The following ITPRID1 variants were observed in gnomAD, a reference collection of about 807,000 sequenced individuals.
ITPRID1 encodes the protein protein ITPRID1.
A neutral mutation model predicts 95.4 loss-of-function variants in ITPRID1; 96 were observed. The observed-to-expected ratio is 1.01, with a 90% confidence interval of 0.85 to 1.19. The LOEUF (loss-of-function observed/expected upper bound fraction) is 1.19. Among genes scored for constraint, ITPRID1 ranks in the 50% most tolerant of loss-of-function variants. The pLI is 0.00. For synonymous variants in ITPRID1, 510 were observed against 453.6 expected, an observed-to-expected ratio of 1.12 and a Z score of -1.58; for missense variants, 1,339 against 1,252.9, an observed-to-expected ratio of 1.07 and a Z score of -1.04.
At chr7:31,584,385 A>G (rs1476064456) in intron 10 of ITPRID1, among the ~76,000 whole-genome samples, 2 of 152,214 alleles carry the variant, frequency 1.3e-5, no homozygotes, top group Non-Finnish European at 2.9e-5. Context: ...CATAACCTGC[A>G]TTGAGGCTTA....
At chr7:31,542,774 G>C (rs563365933) in intron 1 of ITPRID1, among the ~76,000 whole-genome samples, 7 of 152,240 alleles carry the variant, frequency 4.6e-5, no homozygotes, top group African/African-American at 1.7e-4. Context: ...ATTTGACAGA[G>C]ATAAGTATGG....
At chr7:31,547,394 T>A (rs771472218) in intron 1 of ITPRID1, among the ~76,000 whole-genome samples, 103 of 152,274 alleles carry the variant, frequency 6.8e-4, no homozygotes, top group Middle Eastern at 3.4e-3. Flanking sequence ...ACAGTCATGG[T>A]GGAATGGGAA....
intron 7 of ITPRID1, 87 bp downstream of exon 7, chr7:31,572,275 A>G (rs1409045155): frequency 5.3e-6 from 4 of 758,540 alleles, no homozygotes; most frequent in Non-Finnish European, 8.8e-6. Context: ...CACTTGTTGA[A>G]TGAATGGATG....
intron 5 of ITPRID1, among the ~76,000 whole-genome samples, chr7:31,557,303 G>T (rs1407126958): frequency 1.3e-5 from 2 of 152,028 alleles, no homozygotes; most frequent in Admixed American, 1.3e-4. Context: ...CAAGATCTAA[G>T]TGTCTTCATC....
rs1332079259 is a variant in ITPRID1 at position 31,643,589 on chromosome 7, G to T, written c.2219G>T (p.Cys740Phe). 2 of 1,614,034 alleles carry T rather than the reference G, an allele frequency of 1.2e-6. No individual in the cohort carries two copies. The highest frequency in any genetic ancestry group is 1.7e-5 in the Admixed American group (1 of 60,024). ...GGAACATCTTTAGAATGCACTGTGT[G>T]TGATCCTGTTACCGCAACAGAAACA... Reference protein sequence around the residue: ...PRGTSLECTVCDPVTATETRL... With the variant: ...PRGTSLECTVFDPVTATETRL... The change falls in exon 12 of 15, where the codon TGT becomes TTT. Residue 740 changes from cysteine to phenylalanine, a missense_variant. Physicochemically the swap from Cys to Phe is radical, Grantham distance 205 (BLOSUM62 -2). Coordinates refer to ENST00000615280, the MANE Select transcript of ITPRID1 (RefSeq NM_001257967.3).
At chr7:31,523,217 A>G (rs1002943699) in intron 1 of ITPRID1, among the ~76,000 whole-genome samples, 2 of 152,222 alleles carry the variant, frequency 1.3e-5, no homozygotes, top group African/African-American at 4.8e-5. Context: ...ATCGCAGACA[A>G]AAGCATTCTA....
intron 7 of ITPRID1, 65 bp from the exon 8 acceptor site, chr7:31,574,475 G>C: frequency 6.9e-7 from 1 of 1,444,638 alleles, no homozygotes; most frequent in Non-Finnish European, 9.7e-7. Context: ...TGGATGAGGT[G>C]ACCAGAAAAA....
At chr7:31,554,972 A>G (rs1784401499) in intron 5 of ITPRID1, 71 bp downstream of exon 5, 1 of 1,139,358 alleles carries the variant, frequency 8.8e-7, no homozygotes, top group Admixed American at 2.1e-5. Flanking sequence ...ACGTGAATAA[A>G]TCTTCTTAAA....
chr7:31,625,459 C>T (rs1788363498), intron 10 of ITPRID1, among the ~76,000 whole-genome samples: 1 of 152,086 alleles, frequency 6.6e-6, no homozygotes, highest in African/African-American at 2.4e-5. Flanking sequence ...ATGATGAGTT[C>T]ATGTCCTTTG....
At chr7:31,571,359 T>C (rs1184504524) in intron 6 of ITPRID1, among the ~76,000 whole-genome samples, 3 of 152,184 alleles carry the variant, frequency 2.0e-5, no homozygotes, top group Non-Finnish European at 2.9e-5. Flanking sequence ...AGAACAAAGT[T>C]AGCAACCCAA....
Position 31,578,300 on chromosome 7 carries a change from C to T in ITPRID1, c.1036C>T (p.Gln346Ter), listed in dbSNP as rs759370327. 2 of 1,613,954 alleles carry T rather than the reference C, an allele frequency of 1.2e-6. No homozygotes were observed. Among genetic ancestry groups the T allele is most frequent in the South Asian group, 2.2e-5 (2 of 91,088 alleles). ...GCCTTGCTCATCTATGCCGGCCAAG[C>T]AGGCTCCTCCTTCCTGTGTGTCTGA... is the stretch of plus-strand genomic sequence containing the variant. ...QWPCSSMPAKQAPPSCVSEGS... is the reference protein window; with the variant it reads ...QWPCSSMPAK Residue 346 changes from glutamine to a stop codon, truncating the protein, a stop_gained, in exon 9 of 15, where the codon CAG (glutamine) becomes TAG (stop). Transcript: ENST00000615280. LOFTEE classifies it high-confidence loss of function.
At chr7:31,583,258 A>G in intron 10 of ITPRID1, 67 bp downstream of exon 10, 1 of 1,068,124 alleles carries the variant, frequency 9.4e-7, no homozygotes, top group Non-Finnish European at 1.4e-6. Context: ...TGGTATTTAA[A>G]TTTCTTAATA....
At chr7:31,596,430 T>TA (rs1786091907) in intron 10 of ITPRID1, among the ~76,000 whole-genome samples, 1 of 151,464 alleles carries the variant, frequency 6.6e-6, no homozygotes, top group Non-Finnish European at 1.5e-5. Flanking sequence ...ACATTTCACT[T>TA]ATGAAAATAG....
downstream of ITPRID1, chr7:31,658,359 C>T (rs1791389607): frequency 2.6e-6 from 4 of 1,517,852 alleles, no homozygotes; most frequent in East Asian, 2.5e-5. Context: ...AATCAAAAGA[C>T]TTTCTGAAGA....
chr7:31,622,860 G>A (rs1286566441), intron 10 of ITPRID1, among the ~76,000 whole-genome samples: 1 of 152,040 alleles, frequency 6.6e-6, no homozygotes, highest in Non-Finnish European at 1.5e-5. Flanking sequence ...TAGACCGCTA[G>A]CAAGACTAAT....
At chr7:31,516,807 T>C (rs1014578092) in intron 1 of ITPRID1, among the ~76,000 whole-genome samples, 1 of 152,172 alleles carries the variant, frequency 6.6e-6, no homozygotes, top group African/African-American at 2.4e-5. Context: ...TGCTGTGATA[T>C]TGTGGCCAGA....
At chr7:31,614,981 G>GATTA (rs902914871) in intron 10 of ITPRID1, among the ~76,000 whole-genome samples, 1 of 152,176 alleles carries the variant, frequency 6.6e-6, no homozygotes, top group African/African-American at 2.4e-5. Flanking sequence ...TTAGCCAAGG[G>GATTA]ATTAATTTAT....
At chr7:31,579,071 G>A (rs1464924409) in intron 9 of ITPRID1, among the ~76,000 whole-genome samples, 3 of 152,180 alleles carry the variant, frequency 2.0e-5, no homozygotes, top group Admixed American at 6.5e-5. Context: ...CACATAGCTT[G>A]ACCTTCATTT....
intron 1 of ITPRID1, among the ~76,000 whole-genome samples, chr7:31,544,297 G>A (rs187633640): frequency 1.3e-5 from 2 of 152,194 alleles, no homozygotes; most frequent in Admixed American, 6.6e-5. Context: ...TACATGGAAG[G>A]CAGGTGTGAT....
Sources: gnomAD v4.1 joint callset for allele counts (sites outside exome capture counted in the v4.1 genomes callset) on GRCh38, gnomAD v4.1.1 for gene constraint, MANE v1.5 for transcripts, NCBI Gene and HGNC (gene_info 2026-07-23, HGNC 2026-07-21) for gene names.